The following WWOX variants were observed in gnomAD, a reference collection of about 807,000 sequenced individuals.
WWOX encodes the protein WW domain containing oxidoreductase.
A neutral mutation model predicts 46.2 loss-of-function variants in WWOX; 69 were observed. The ratio of observed to expected loss-of-function variants is 1.49; its 90% CI spans 1.23 to 1.82. The LOEUF (loss-of-function observed/expected upper bound fraction) is 1.82. Ranked by LOEUF, WWOX falls within the 40% of genes most tolerant of loss-of-function variation. The pLI is 0.00. For synonymous variants in WWOX, 359 were observed against 202.6 expected (o/e 1.77, Z -6.56); for missense variants, 919 against 542.6 (o/e 1.69, Z -6.89).
At chr16:79,083,774 A>C (rs1209574127) in intron 8 of WWOX, among the ~76,000 whole-genome samples, 1 of 151,972 alleles carries the variant, frequency 6.6e-6, no homozygotes, top group African/African-American at 2.4e-5. Context: ...GGAGCTCCGG[A>C]GTTCCCATCT....
chr16:78,766,413 A>G (rs2049925899), intron 8 of WWOX, among the ~76,000 whole-genome samples: 1 of 152,208 alleles, frequency 6.6e-6, no homozygotes, highest in Non-Finnish European at 1.5e-5. Context: ...TGGGCAACAC[A>G]GCAAGACCCC....
At chr16:78,819,058 A>T (rs1427757303) in intron 8 of WWOX, among the ~76,000 whole-genome samples, 1 of 152,346 alleles carries the variant, frequency 6.6e-6, no homozygotes, top group Non-Finnish European at 1.5e-5. Context: ...CGAAGCACTT[A>T]GCACATGAGC....
intron 5 of WWOX, among the ~76,000 whole-genome samples, chr16:78,229,454 T>A (rs1474565334): frequency 1.3e-5 from 1 of 76,606 alleles, no homozygotes; most frequent in Non-Finnish European, 2.4e-5. Flanking sequence ...ATTTAGATTT[T>A]TTCTGTTTTA....
intron 8 of WWOX, among the ~76,000 whole-genome samples, chr16:78,682,357 T>G (rs879345807): frequency 1.1e-4 from 17 of 152,182 alleles, no homozygotes; most frequent in Admixed American, 3.9e-4. Context: ...TCAGCTCAGT[T>G]TTTTTGTACC....
In WWOX at chr16:78,325,408, C is replaced by A. The variant is rs77671370; in HGVS notation, c.517-61452C>A. On this transcript the variant is annotated intron_variant, in intron 5 of 8. Transcript: ENST00000566780. Reference sequence around the variant, plus strand: ...GTTCTATTGCAGTATTTAATGAGTGCAATTAAATGGAAAAATTGCCTTTTT... The same window carrying A: ...GTTCTATTGCAGTATTTAATGAGTGAAATTAAATGGAAAAATTGCCTTTTT... Among the ~76,000 whole-genome samples the A allele has an allele frequency of 3.0e-3, 463 of 152,048 alleles. 5 individuals carry two copies. The highest frequency in any genetic ancestry group is 0.011 in the African/African-American group (439 of 41,464).
chr16:78,708,700 A>G (rs1165107796), intron 8 of WWOX, among the ~76,000 whole-genome samples: 1 of 152,228 alleles, frequency 6.6e-6, no homozygotes, highest in East Asian at 1.9e-4. Flanking sequence ...TTTGCCTCCA[A>G]GTGCGTTTAT....
intron 5 of WWOX, among the ~76,000 whole-genome samples, chr16:78,191,771 G>T (rs1373838616): frequency 6.6e-6 from 1 of 152,156 alleles, no homozygotes; most frequent in Non-Finnish European, 1.5e-5. Flanking sequence ...AGTGGGAGGC[G>T]CTGCTGTGTG....
At chr16:79,023,496 G>A (rs1489080800) in intron 8 of WWOX, among the ~76,000 whole-genome samples, 2 of 152,246 alleles carry the variant, frequency 1.3e-5, no homozygotes, top group East Asian at 1.9e-4. Flanking sequence ...GCTGATTACT[G>A]GCCAGGAGAC....
chr16:78,111,034 T>C (rs919598928), intron 3 of WWOX, among the ~76,000 whole-genome samples: 3 of 152,130 alleles, frequency 2.0e-5, no homozygotes, highest in African/African-American at 4.8e-5. Context: ...GTTATGAATG[T>C]AACATAAACG....
At chr16:78,101,964 G>C (rs2031823639) in intron 1 of WWOX, among the ~76,000 whole-genome samples, 1 of 152,122 alleles carries the variant, frequency 6.6e-6, no homozygotes, top group South Asian at 2.1e-4. Flanking sequence ...AGGTAGTTGG[G>C]GGGGTCGTGA....
chr16:78,750,230 G>C (rs946281816), intron 8 of WWOX, among the ~76,000 whole-genome samples: 2 of 152,194 alleles, frequency 1.3e-5, no homozygotes, highest in Admixed American at 6.5e-5. Flanking sequence ...GCCCAGGTCA[G>C]CTGGTGGGTG....
chr16:78,452,838 A>G (rs577035541), intron 8 of WWOX, among the ~76,000 whole-genome samples: 17 of 142,430 alleles, frequency 1.2e-4, no homozygotes, highest in African/African-American at 4.3e-4. Flanking sequence ...CGTTTCCCCT[A>G]TGGCTGCTAT....
intron 5 of WWOX, among the ~76,000 whole-genome samples, chr16:78,309,172 T>C (rs912594300): frequency 4.6e-5 from 7 of 152,196 alleles, no homozygotes; most frequent in East Asian, 1.9e-4. Flanking sequence ...AATCCCGACA[T>C]GTCAAGGGAG....
chr16:78,394,022 G>T lies in WWOX; in HGVS notation c.605+7074G>T, dbSNP rs538651312. The stretch of plus-strand genomic sequence containing the variant: ...TTCTTGGATTCATATTCCAAATTTT[G>T]CTGTCTCAAATCCATCTAGGGAAGT... On this transcript the variant is annotated intron_variant, in intron 6 of 8. Coordinates refer to ENST00000566780, the MANE Select transcript of WWOX (RefSeq NM_016373.4). 4.6e-5 allele frequency among the ~76,000 whole-genome samples: 7 copies of T among 152,118 alleles called. No individual in the cohort carries two copies. The South Asian group carries it at 8.3e-4, about 18-fold the overall frequency.
chr16:78,427,108 A>G (rs375142394), intron 7 of WWOX, among the ~76,000 whole-genome samples: 63 of 152,240 alleles, frequency 4.1e-4, no homozygotes, highest in African/African-American at 1.3e-3. Flanking sequence ...GTTGCTCACT[A>G]CCCAAGAACT....
rs1423945417 is a variant in WWOX, at chr16:78,753,821, AAAAAATATATATATATATATAT to A, written c.1056+321071_1056+321092del. On this transcript the variant is annotated intron_variant, in intron 8 of 8. Transcript: ENST00000566780. ...TATATCAAAAAAAAAAAAAAAAAAA[AAAAAATATATATATATATATAT>A]ATATATATATATGTATATGTATATG... Among the ~76,000 whole-genome samples the A allele has an allele frequency of 3.3e-3, 184 of 56,160 alleles. 3 individuals carry two copies. Among genetic ancestry groups the A allele is most frequent in the Middle Eastern group, 0.018 (2 of 112 alleles). 36.8% of individuals were successfully genotyped at this position (56,160 alleles called of 152,430 possible).
At chr16:78,635,616 G>A (rs2046548515) in intron 8 of WWOX, among the ~76,000 whole-genome samples, 1 of 152,110 alleles carries the variant, frequency 6.6e-6, no homozygotes, top group Non-Finnish European at 1.5e-5. Context: ...TTTATTCAAG[G>A]GTTGTTGAGA....
At chr16:78,814,495 C>T (rs1212724899) in intron 8 of WWOX, among the ~76,000 whole-genome samples, 1 of 151,968 alleles carries the variant, frequency 6.6e-6, no homozygotes, top group African/African-American at 2.4e-5. Flanking sequence ...AAGTGAACCT[C>T]TACTTTAGAA....
chr16:78,638,465 C>T (rs1009334908), intron 8 of WWOX, among the ~76,000 whole-genome samples: 4 of 152,114 alleles, frequency 2.6e-5, no homozygotes, highest in Admixed American at 2.6e-4. Flanking sequence ...ATCTGAAAGG[C>T]CCAGACCCAG....
Sources: allele counts gnomAD v4.1 joint callset (sites outside exome capture counted in the v4.1 genomes callset), GRCh38; gene constraint gnomAD v4.1.1; transcripts MANE v1.5; gene names NCBI Gene and HGNC (gene_info 2026-07-23, HGNC 2026-07-21).